FARSB: variants seen among roughly 807,000 people sequenced by gnomAD.
FARSB encodes phenylalanyl-tRNA synthetase subunit beta.
In FARSB, 40 loss-of-function variants were observed where a neutral mutation model predicts 69.6. The observed-to-expected ratio is 0.57, with a 90% CI of 0.45 to 0.75. The LOEUF (loss-of-function observed/expected upper bound fraction) is 0.75. Ranked by LOEUF, FARSB falls within the 30% of genes least tolerant of loss-of-function variation. The pLI is 0.00. For synonymous variants in FARSB, 235 were observed against 247.2 expected (o/e 0.95, Z 0.46); for missense variants, 632 against 722.9 (o/e 0.87, Z 1.44).
rs549897988 is a variant in FARSB, at chr2:222,616,408, G to A, written c.1345-2480C>T. ...CTAAAAATACAAAAATTAGCTGGGC[G>A]CGGCAGCGCGTGCCTGTAGTCCCAG... On this transcript the variant is annotated intron_variant, in intron 14 of 16. Transcript: ENST00000281828. Among the ~76,000 whole-genome samples, 9 of 152,122 alleles carry A rather than the reference G, an allele frequency of 5.9e-5. No homozygotes were observed. In the South Asian group the frequency reaches 1.2e-3, roughly 21 times the overall value.
intron 16 of FARSB, among the ~76,000 whole-genome samples, chr2:222,577,009 G>A (rs1364763020): frequency 5.3e-5 from 8 of 152,120 alleles, no homozygotes; most frequent in Admixed American, 2.6e-4. Context: ...TGAGGGCACC[G>A]ATGGACTACA....
intron 9 of FARSB, 52 bp from the exon 10 acceptor site, chr2:222,628,940 T>C (rs1691345566): frequency 1.6e-6 from 2 of 1,285,586 alleles, no homozygotes; most frequent in Non-Finnish European, 2.3e-6. Context: ...GTGCCATAAA[T>C]TACAGACATG....
chr2:222,587,328 T>C (rs1044196305), intron 16 of FARSB, among the ~76,000 whole-genome samples: 4 of 152,118 alleles, frequency 2.6e-5, no homozygotes, highest in African/African-American at 9.7e-5. Context: ...AGACACAACA[T>C]ACCAGAATCT....
intron 10 of FARSB, 128 bp from the exon 11 acceptor site, chr2:222,624,903 A>G (rs2106220145): frequency 1.7e-6 from 1 of 588,078 alleles, no homozygotes; most frequent in African/African-American, 1.9e-5. Context: ...CACATTGAGA[A>G]TAAACTTGAT....
chr2:222,609,916 T>C (rs1448766415), intron 15 of FARSB, among the ~76,000 whole-genome samples: 1 of 152,202 alleles, frequency 6.6e-6, no homozygotes, highest in Non-Finnish European at 1.5e-5. Flanking sequence ...AAGACATGCT[T>C]GCCCACCCCA....
chr2:222,611,656 A>C (rs1233711132), intron 15 of FARSB, among the ~76,000 whole-genome samples: 1 of 152,226 alleles, frequency 6.6e-6, no homozygotes, highest in African/African-American at 2.4e-5. Context: ...ACTAGCACTT[A>C]AGAACAGCTC....
At chr2:222,645,150 TC>T in intron 2 of FARSB, among the ~76,000 whole-genome samples, 1 of 151,986 alleles carries the variant, frequency 6.6e-6, no homozygotes, top group East Asian at 1.9e-4. Context: ...ACCATAAAGA[TC>T]ATATAATCCA....
chr2:222,633,766 A>G (rs936715501), intron 6 of FARSB, among the ~76,000 whole-genome samples: 1 of 152,146 alleles, frequency 6.6e-6, no homozygotes, highest in Non-Finnish European at 1.5e-5. Context: ...TAAATTTATA[A>G]GATTTTCTAA....
At chr2:222,611,935 G>T (rs374208867) in intron 15 of FARSB, among the ~76,000 whole-genome samples, 1 of 152,120 alleles carries the variant, frequency 6.6e-6, no homozygotes, top group East Asian at 1.9e-4. Context: ...GAGGCCTACT[G>T]CTGAAACAGT....
intron 2 of FARSB, among the ~76,000 whole-genome samples, chr2:222,643,830 T>G (rs1288279543): frequency 6.6e-6 from 1 of 152,206 alleles, no homozygotes; most frequent in Non-Finnish European, 1.5e-5. Context: ...GCAAAGAGTT[T>G]AGAATATCTC....
intron 13 of FARSB, among the ~76,000 whole-genome samples, chr2:222,621,192 G>A (rs1035015133): frequency 1.3e-5 from 2 of 152,234 alleles, no homozygotes; most frequent in African/African-American, 4.8e-5. Context: ...GTATCTGAGT[G>A]AACTTGTATT....
chr2:222,603,537 C>T (rs1250585862), intron 15 of FARSB, among the ~76,000 whole-genome samples: 5 of 151,462 alleles, frequency 3.3e-5, no homozygotes, highest in Admixed American at 3.3e-4. Flanking sequence ...ATTCTCAAGA[C>T]AACCATGCAA....
intron 14 of FARSB, among the ~76,000 whole-genome samples, chr2:222,618,940 G>T (rs1310102895): frequency 6.6e-6 from 1 of 152,000 alleles, no homozygotes; most frequent in Admixed American, 6.6e-5. Context: ...CAGGAGTTCA[G>T]AACCAGCCTC....
At position 222,634,527 on chromosome 2, in the gene FARSB, A is replaced by G. The variant is rs773854549; in HGVS notation, c.470T>C (p.Val157Ala). 6.2e-7 allele frequency: 1 copy of G among 1,612,218 alleles called. No individual in the cohort carries two copies. The highest frequency in any genetic ancestry group is 8.5e-7 in the Non-Finnish European group (1 of 1,179,140). ...GTCCAAATCATGGGTACCAATGGCA[A>G]CCAGTGCTCTTTTCCTAATTGTTGA... ...HQNICRKRAL[V>A]AIGTHDLDTL... The change falls in exon 6 of 17, where the codon GTT becomes GCT. Residue 157 changes from valine to alanine, a missense_variant. Transcript: ENST00000281828.
intron 15 of FARSB, 28 bp from the exon 16 acceptor site, chr2:222,600,111 C>T (rs114438167): frequency 2.8e-5 from 44 of 1,582,374 alleles, no homozygotes; most frequent in Middle Eastern, 3.3e-4. Flanking sequence ...CTGGTCACAA[C>T]GCTGTATTAA....
chr2:222,583,750 G>A (rs1357244360), intron 16 of FARSB, among the ~76,000 whole-genome samples: 2 of 151,242 alleles, frequency 1.3e-5, no homozygotes, highest in African/African-American at 4.9e-5. Flanking sequence ...AGGTAATTGA[G>A]ACATAGAGGC....
chr2:222,615,044 T>C (rs1337147763), intron 14 of FARSB, among the ~76,000 whole-genome samples: 2 of 152,168 alleles, frequency 1.3e-5, no homozygotes, highest in East Asian at 1.9e-4. Flanking sequence ...AAAGAAAGCA[T>C]GTACAGTCAT....
At chr2:222,619,045 G>A (rs1019962691) in intron 14 of FARSB, among the ~76,000 whole-genome samples, 3 of 151,728 alleles carry the variant, frequency 2.0e-5, no homozygotes, top group Admixed American at 1.3e-4. Flanking sequence ...GGGAGGCTGA[G>A]GCAGGAGAAT....
chr2:222,639,539 G>A (rs1412721591), intron 5 of FARSB, 41 bp downstream of exon 5: 2 of 927,692 alleles, frequency 2.2e-6, no homozygotes, highest in South Asian at 3.2e-5. Flanking sequence ...GAGACAAAGG[G>A]AAAGGGGAAG....
Sources: allele counts gnomAD v4.1 joint callset (sites outside exome capture counted in the v4.1 genomes callset), GRCh38; gene constraint gnomAD v4.1.1; transcripts MANE v1.5; gene names NCBI Gene and HGNC (gene_info 2026-07-23, HGNC 2026-07-21).